SSBP3: variants seen among roughly 807,000 people sequenced by gnomAD.
The protein encoded by SSBP3 is single-stranded DNA-binding protein 3.
In SSBP3, 5 loss-of-function variants were observed where a neutral mutation model predicts 69.6. The observed-to-expected ratio is 0.07, with a 90% CI of 0.04 to 0.15. The LOEUF (loss-of-function observed/expected upper bound fraction) is 0.15, where lower values mean the gene tolerates loss of function less well. Ranked by LOEUF, SSBP3 falls within the 10% of genes least tolerant of loss-of-function variation. SSBP3 has a pLI of 1.00. For missense variants in SSBP3, 312 were observed against 534.0 expected, an observed-to-expected ratio of 0.58 and a Z score of 4.10; for synonymous variants, 196 against 193.4, an observed-to-expected ratio of 1.01 and a Z score of -0.11.
chr1:54,383,419 TC>T (rs978414768), intron 4 of SSBP3, among the ~76,000 whole-genome samples: 19 of 151,064 alleles, frequency 1.3e-4, no homozygotes, highest in African/African-American at 4.1e-4. Context: ...AATAAAGAAG[TC>T]CCTGTACTAC....
rs531828739 is a variant in SSBP3 at position 54,257,015 on chromosome 1, A to G, written c.507+112T>C. On this transcript the variant is annotated intron_variant, in intron 7 of 17. Transcript: ENST00000610401. ...GCTAGTAAGCTACCAGCCACGTTAA[A>G]CCTGCCCCTCCACCCCTCAATCCTT... 155 of 1,125,740 alleles carry G rather than the reference A, an allele frequency of 1.4e-4. 1 individual carries two copies. The highest frequency in any genetic ancestry group is 1.8e-4 in the Non-Finnish European group (139 of 790,228). 69.7% of individuals were successfully genotyped at this position (1,125,740 alleles called of 1,614,324 possible).
chr1:54,392,889 T>G (rs573113662), intron 4 of SSBP3, among the ~76,000 whole-genome samples: 12 of 152,304 alleles, frequency 7.9e-5, no homozygotes, highest in Non-Finnish European at 5.9e-5. Flanking sequence ...CTAGGAGAGT[T>G]ACAGAGTTAG....
chr1:54,322,469 C>G (rs145557377), intron 4 of SSBP3, among the ~76,000 whole-genome samples: 64 of 152,182 alleles, frequency 4.2e-4, no homozygotes, highest in African/African-American at 1.5e-3. Context: ...GAGGCAATCC[C>G]CTCCGGGATC....
At chr1:54,285,990 G>C (rs1313782593) in intron 4 of SSBP3, among the ~76,000 whole-genome samples, 4 of 152,098 alleles carry the variant, frequency 2.6e-5, no homozygotes, top group African/African-American at 9.7e-5. Flanking sequence ...GCTCTCCCCA[G>C]CTAAGTCTAC....
intron 4 of SSBP3, among the ~76,000 whole-genome samples, chr1:54,340,993 G>C (rs920877692): frequency 6.6e-6 from 1 of 152,234 alleles, no homozygotes; most frequent in Admixed American, 6.5e-5. Flanking sequence ...TGTGTTTTGA[G>C]ACCAGCAACT....
chr1:54,260,599 T>C (rs1472533236), intron 5 of SSBP3, among the ~76,000 whole-genome samples: 1 of 152,156 alleles, frequency 6.6e-6, no homozygotes, highest in Non-Finnish European at 1.5e-5. Context: ...GAAGCGCCCC[T>C]GGGGGACTCT....
At chr1:54,354,601 C>A (rs1646834133) in intron 4 of SSBP3, among the ~76,000 whole-genome samples, 1 of 152,156 alleles carries the variant, frequency 6.6e-6, no homozygotes, top group African/African-American at 2.4e-5. Context: ...GACCTCTCCC[C>A]CAGGAGCTTA....
intron 7 of SSBP3, among the ~76,000 whole-genome samples, chr1:54,253,831 G>C (rs1031922122): frequency 2.0e-5 from 3 of 152,216 alleles, no homozygotes; most frequent in Non-Finnish European, 4.4e-5. Flanking sequence ...CATGGGGCTT[G>C]GCAGTCACTC....
In SSBP3 at chr1:54,386,683, CTTTT is replaced by C. The variant is rs58429798; in HGVS notation, c.276+15174_276+15177del. On this transcript the variant is annotated intron_variant, in intron 4 of 17. Transcript: ENST00000610401. ...ATCCACAATGTATAAACTGATCCTACTTTTTTTTTTTTTTTTTTTTTAAGAGATG... is the reference window on the plus strand; with the variant it reads ...ATCCACAATGTATAAACTGATCCTACTTTTTTTTTTTTTTTTTAAGAGATG... Among the ~76,000 whole-genome samples, 52 of 76,100 alleles carry C rather than the reference CTTTT, an allele frequency of 6.8e-4. 4 individuals are homozygous for C. The highest frequency in any genetic ancestry group is 2.7e-3 in the African/African-American group (40 of 14,588). 49.9% of individuals were successfully genotyped at this position (76,100 alleles called of 152,430 possible). A position where few individuals can be genotyped will look rare whatever the true frequency, so the allele number is the denominator to read the frequency against.
At chr1:54,271,496 C>T (rs900405299) in intron 5 of SSBP3, among the ~76,000 whole-genome samples, 1 of 152,222 alleles carries the variant, frequency 6.6e-6, no homozygotes, top group African/African-American at 2.4e-5. Flanking sequence ...TCCTACAGCA[C>T]AGCTGAGGAA....
chr1:54,330,705 CA>C (rs11360989), intron 4 of SSBP3, among the ~76,000 whole-genome samples: 43,554 of 151,324 alleles, frequency 0.29, 9,199 homozygotes, highest in African/African-American at 0.58. Flanking sequence ...CTTGTGCAGT[CA>C]AAAAAAAATC....
chr1:54,381,088 T>TA (rs1647597729), intron 4 of SSBP3, among the ~76,000 whole-genome samples: 1 of 151,000 alleles, frequency 6.6e-6, no homozygotes, highest in African/African-American at 2.4e-5. Flanking sequence ...CCAATACTTT[T>TA]AAAAAAGAGA....
chr1:54,401,397 CA>C (rs1172113333), intron 4 of SSBP3, among the ~76,000 whole-genome samples: 8 of 152,104 alleles, frequency 5.3e-5, no homozygotes, highest in African/African-American at 1.9e-4. Context: ...CACACACACA[CA>C]CACACCCATA....
At chr1:54,372,684 A>G (rs1265097803) in intron 4 of SSBP3, among the ~76,000 whole-genome samples, 1 of 152,144 alleles carries the variant, frequency 6.6e-6, no homozygotes, top group East Asian at 1.9e-4. Context: ...CAGGTTTCCG[A>G]CGCTCTTCCA....
At chr1:54,410,247 C>T (rs551767376), upstream of SSBP3, among the ~76,000 whole-genome samples, 1 of 152,276 alleles carries the variant, frequency 6.6e-6, no homozygotes, top group East Asian at 1.9e-4. Flanking sequence ...CTAGAAGGGC[C>T]GCTCCTTCCT....
At chr1:54,232,776 G>A (rs1490552387) in intron 14 of SSBP3, among the ~76,000 whole-genome samples, 3 of 152,202 alleles carry the variant, frequency 2.0e-5, no homozygotes, top group Non-Finnish European at 2.9e-5. Flanking sequence ...TGGAGACGGG[G>A]TTTCGCTGTG....
chr1:54,389,537 G>A (rs916588934), intron 4 of SSBP3, among the ~76,000 whole-genome samples: 3 of 151,846 alleles, frequency 2.0e-5, no homozygotes, highest in Non-Finnish European at 4.4e-5. Context: ...GGCTGGGCAG[G>A]GGGTCATCAA....
chr1:54,275,317 T>TAG (rs1364545443), intron 5 of SSBP3, among the ~76,000 whole-genome samples: 1 of 152,238 alleles, frequency 6.6e-6, no homozygotes, highest in African/African-American at 2.4e-5. Flanking sequence ...AAGCTTCCAC[T>TAG]AGTAACAGGC....
intron 5 of SSBP3, among the ~76,000 whole-genome samples, chr1:54,267,195 C>CCA (rs1330529176): frequency 2.0e-5 from 3 of 152,228 alleles, no homozygotes; most frequent in Non-Finnish European, 4.4e-5. Context: ...GACTTTGCCT[C>CCA]CAGCCACTAA....
Sources: gnomAD v4.1 joint callset for allele counts (sites outside exome capture counted in the v4.1 genomes callset) on GRCh38, gnomAD v4.1.1 for gene constraint, MANE v1.5 for transcripts, NCBI Gene and HGNC (gene_info 2026-07-23, HGNC 2026-07-21) for gene names.